Variants in NYX observed in about 807,000 individuals in gnomAD.
NYX encodes nyctalopin, also known as leucine-rich repeat protein.
For missense variants in NYX, 481 were observed against 485.4 expected, an observed-to-expected ratio of 0.99 and a Z score of 0.09; for synonymous variants, 258 against 245.7, an observed-to-expected ratio of 1.05 and a Z score of -0.47.
At chrX:41,451,103 G>T (rs1288795561) in intron 2 of NYX, among the ~76,000 whole-genome samples, 1 of 110,738 alleles carries the variant, frequency 9.0e-6, no homozygotes, top group Non-Finnish European at 1.9e-5. Context: ...AAAGTGCTGG[G>T]ATTAGAGGTG....
intron 2 of NYX, among the ~76,000 whole-genome samples, chrX:41,466,785 G>GT (rs1166718261): frequency 1.3e-5 from 1 of 76,024 alleles, no homozygotes; most frequent in African/African-American, 5.2e-5. Flanking sequence ...GGCCAGACTG[G>GT]TCTTTTTTTT....
At chrX:41,447,659 C>A (rs745908588) in intron 1 of NYX, 143 bp downstream of exon 1, 1 of 442,106 alleles carries the variant, frequency 2.3e-6, no homozygotes, top group Non-Finnish European at 4.0e-6. Context: ...TAGATCCAAA[C>A]TGTCCATTTG....
Position 41,474,200 on chromosome X carries a change from C to G in NYX, c.732C>G (p.Ala244=). The change falls in exon 3 of 3, where the codon GCC becomes GCG. Residue 244 remains alanine (A), a synonymous_variant. Coordinates refer to ENST00000378220, the MANE Select transcript of NYX (RefSeq NM_001378477.3). ...TGCTGGCCGAGCTCCCGGCCGACGC[C>G]TTCCGCGGCCTGCGGCGCCTGCGCA... is the stretch of plus-strand genomic sequence containing the variant. ...DNLLAELPAD[A]FRGLRRLRTL... is the part of the protein sequence containing the mutation. 8.5e-7 allele frequency: 1 copy of G among 1,177,434 alleles called. No individual in the cohort carries two copies. The highest frequency in any genetic ancestry group is 1.8e-5 in the South Asian group (1 of 55,005).
In NYX at chrX:41,473,955, G is replaced by C; in HGVS notation, c.487G>C (p.Asp163His). The C allele has an allele frequency of 9.1e-7, 1 of 1,100,562 alleles. No homozygotes were observed. 90.7% of individuals were successfully genotyped at this position (1,100,562 alleles called of 1,213,427 possible). The change falls in exon 3 of 3, where the codon GAC becomes CAC. Residue 163 changes from aspartate to histidine, a missense_variant. Asp to His is a moderately conservative substitution (Grantham distance 81). Coordinates refer to ENST00000378220, the MANE Select transcript of NYX (RefSeq NM_001378477.3). ...LPALRELAAF[D>H]NLFRRVPGAL... The stretch of plus-strand genomic sequence containing the variant: ...GGCCCTGCGCGAACTCGCCGCCTTC[G>C]ACAACCTGTTCCGCCGCGTGCCGGG...
intron 2 of NYX, chrX:41,472,446 G>C: frequency 9.8e-7 from 1 of 1,019,507 alleles, no homozygotes; most frequent in Non-Finnish European, 1.4e-6. Flanking sequence ...ATGGCCAGCA[G>C]GCCGCGGAGG....
intron 2 of NYX, among the ~76,000 whole-genome samples, chrX:41,456,867 G>A (rs749458624): frequency 2.7e-5 from 3 of 111,602 alleles, no homozygotes; most frequent in Non-Finnish European, 5.6e-5. Flanking sequence ...ACATGCTATG[G>A]TCTGAATGTT....
intron 2 of NYX, among the ~76,000 whole-genome samples, chrX:41,459,582 GC>G (rs781738671): frequency 9.1e-6 from 1 of 109,656 alleles, no homozygotes; most frequent in Non-Finnish European, 1.9e-5. Flanking sequence ...TCATGCCACT[GC>G]ACTCCAGGCT....
chrX:41,448,907 A>G (rs982781925), intron 2 of NYX, among the ~76,000 whole-genome samples: 3 of 111,610 alleles, frequency 2.7e-5, no homozygotes, highest in Admixed American at 9.6e-5. Flanking sequence ...AGTTAAAAAC[A>G]AAAGTCCCTT....
In NYX at chrX:41,474,014, G is replaced by T; in HGVS notation, c.546G>T (p.Ala182=). The T allele has an allele frequency of 9.5e-7, 1 of 1,051,291 alleles. No individual in the cohort carries two copies. The highest frequency in any genetic ancestry group is 2.5e-5 in the South Asian group (1 of 40,582). The allele number at this position is 1,051,291 out of a possible 1,213,427, so 86.6% of individuals were successfully genotyped here. A position where few individuals can be genotyped will look rare whatever the true frequency, so the allele number is the denominator to read the frequency against. ...GCGGCCTGGCCAACCTGACGCACGC[G>T]CACCTGGAGCGCGGCCGCATCGAGG... ...ALRGLANLTH[A]HLERGRIEAV... is the part of the protein sequence containing the mutation. Residue 182 remains alanine (A), a synonymous_variant, in exon 3 of 3, where the codon GCG becomes GCT. Transcript: ENST00000378220.
At chrX:41,454,285 T>G (rs1014517266) in intron 2 of NYX, among the ~76,000 whole-genome samples, 1 of 111,156 alleles carries the variant, frequency 9.0e-6, no homozygotes, top group Admixed American at 9.6e-5. Flanking sequence ...ACTGGTGTCT[T>G]GCTTTCCATT....
chrX:41,466,734 T>G (rs1349642754), intron 2 of NYX, among the ~76,000 whole-genome samples: 18 of 103,703 alleles, frequency 1.7e-4, no homozygotes, highest in East Asian at 3.0e-4. Flanking sequence ...TAATTTTTTT[T>G]TTTTTTTGTA....
At chrX:41,457,872 C>T (rs1220050478) in intron 2 of NYX, among the ~76,000 whole-genome samples, 1 of 110,952 alleles carries the variant, frequency 9.0e-6, no homozygotes, top group East Asian at 2.8e-4. Context: ...CAAGGGCTCT[C>T]AAAGACCAGG....
In NYX at chrX:41,474,714, C is replaced by T. The variant is rs2064383121; in HGVS notation, c.1246C>T (p.Leu416=). The T allele has an allele frequency of 6.7e-6, 8 of 1,197,539 alleles. No individual in the cohort carries two copies. The highest frequency in any genetic ancestry group is 9.0e-6 in the Non-Finnish European group (8 of 889,799). The part of the protein sequence containing the change: ...SRFSSLLSKL[L]APRVPVEEAA... ...GTTCAGCAGCCTCCTCTCCAAGCTG[C>T]TGGCCCCGAGGGTCCCGGTGGAGGA... The change falls in exon 3 of 3, where the codon CTG becomes TTG. Residue 416 remains leucine (L), a synonymous_variant. Transcript: ENST00000378220.
intron 2 of NYX, among the ~76,000 whole-genome samples, chrX:41,458,553 G>A (rs1294416996): frequency 9.0e-6 from 1 of 110,519 alleles, no homozygotes; most frequent in Non-Finnish European, 1.9e-5. Context: ...TCTGCCACTC[G>A]GGTTCAAGTG....
chrX:41,466,369 C>T (rs1026185901), intron 2 of NYX, among the ~76,000 whole-genome samples: 6 of 109,098 alleles, frequency 5.5e-5, no homozygotes, highest in Non-Finnish European at 9.5e-5. Context: ...TGTGGTGAAC[C>T]GAGATTGCAC....
intron 2 of NYX, among the ~76,000 whole-genome samples, chrX:41,452,499 A>G (rs1003537239): frequency 1.8e-5 from 2 of 111,845 alleles, no homozygotes; most frequent in African/African-American, 6.5e-5. Context: ...GAGATTCATC[A>G]ACGTTATTAC....
chrX:41,464,388 C>T (rs775343634), intron 2 of NYX, among the ~76,000 whole-genome samples: 1 of 111,421 alleles, frequency 9.0e-6, no homozygotes, highest in South Asian at 3.8e-4. Context: ...ATCCACCCAC[C>T]TCGGCCTCCA....
At chrX:41,457,238 G>A (rs1325541819) in intron 2 of NYX, among the ~76,000 whole-genome samples, 12 of 105,080 alleles carry the variant, frequency 1.1e-4, no homozygotes, top group Non-Finnish European at 1.6e-4. Context: ...CCCGGGAGGC[G>A]GAGGTTGCAG....
intron 2 of NYX, among the ~76,000 whole-genome samples, chrX:41,464,670 C>CGTGTGTGTGTGTGT (rs768617215): frequency 0.036 from 3,619 of 101,757 alleles, 77 homozygotes; most frequent in African/African-American, 0.066. Flanking sequence ...ATGGGCCGTG[C>CGTGTGTGTGTGTGT]GTGTGTGTGT....
Sources: gnomAD v4.1 joint callset for allele counts (sites outside exome capture counted in the v4.1 genomes callset) on GRCh38, gnomAD v4.1.1 for gene constraint, MANE v1.5 for transcripts, NCBI Gene and HGNC (gene_info 2026-07-23, HGNC 2026-07-21) for gene names.